MYLK2: variants seen among roughly 807,000 people sequenced by gnomAD.
MYLK2 encodes the protein myosin light chain kinase 2, skeletal/cardiac muscle.
A neutral mutation model predicts 58.2 loss-of-function variants in MYLK2; 27 were observed. That is an observed-to-expected ratio of 0.46 (90% CI 0.34 to 0.64). The LOEUF (loss-of-function observed/expected upper bound fraction) is 0.64. Among genes scored for constraint, MYLK2 ranks in the 30% least tolerant of loss-of-function variants. The pLI, the probability that MYLK2 is intolerant of heterozygous loss-of-function variation, is 0.01. For synonymous variants in MYLK2, 310 were observed against 296.7 expected (o/e 1.04, Z -0.46); for missense variants, 676 against 764.3 (o/e 0.88, Z 1.36).
At chr20:31,823,742 T>C (rs564649964) in intron 5 of MYLK2, among the ~76,000 whole-genome samples, 160 bp downstream of exon 5, 1 of 152,324 alleles carries the variant, frequency 6.6e-6, no homozygotes, top group African/African-American at 2.4e-5. Flanking sequence ...TGTGCAGCTG[T>C]CACATGCTGA....
At chr20:31,828,204 A>G (rs1464910311) in intron 8 of MYLK2, 7 of 985,220 alleles carry the variant, frequency 7.1e-6, no homozygotes, top group South Asian at 9.4e-5. Context: ...AGGTGTATAC[A>G]TTGCAGCAAC....
At chr20:31,820,845 T>A (rs758944477) in intron 3 of MYLK2, among the ~76,000 whole-genome samples, 2 of 152,216 alleles carry the variant, frequency 1.3e-5, no homozygotes, top group Non-Finnish European at 2.9e-5. Flanking sequence ...TGGGCTTGGG[T>A]CTAGCCAAGG....
chr20:31,828,490 G>T, intron 8 of MYLK2: 1 of 983,902 alleles, frequency 1.0e-6, no homozygotes, highest in South Asian at 4.7e-5. Flanking sequence ...GGAAGGCCCC[G>T]TGCTAGGCAT....
Position 31,821,442 on chromosome 20 carries a change from T to G in MYLK2, c.477T>G (p.Ser159=), listed in dbSNP as rs1220968422. ...CCTCTGTGTTCTCACCTTCTAGTTC[T>G]GAGAAGCTGCTGGCCAAGAAGCCCC... The part of the protein sequence containing the change: ...SPSCPAIISS[S]EKLLAKKPPS... The change falls in exon 4 of 13, where the codon TCT becomes TCG. Residue 159 remains serine (S), a synonymous_variant. Coordinates refer to ENST00000375985, the MANE Select transcript of MYLK2 (RefSeq NM_033118.4). 6.2e-7 allele frequency: 1 copy of G among 1,613,362 alleles called. No individual in the cohort carries two copies. The highest frequency in any genetic ancestry group is 1.7e-5 in the Admixed American group (1 of 60,026).
In MYLK2 at chr20:31,821,537, C is replaced by T. The variant is rs778578033; in HGVS notation, c.572C>T (p.Ala191Val). 10 of 1,613,928 alleles carry T rather than the reference C, an allele frequency of 6.2e-6. No homozygotes were observed. The African/African-American group carries it at 1.3e-4, about 22-fold the overall frequency. Residue 191 changes from alanine to valine, a missense_variant, in exon 4 of 13, where the codon GCC becomes GTC. By Grantham distance (64) the Ala-to-Val change is moderately conservative. Coordinates refer to ENST00000375985, the MANE Select transcript of MYLK2 (RefSeq NM_033118.4). ...CACAGCCCCACGGATCCCAGGCCAGCCAAGGCAGAAGAAGGAAAGAACATC... is the reference window on the plus strand; with the variant it reads ...CACAGCCCCACGGATCCCAGGCCAGTCAAGGCAGAAGAAGGAAAGAACATC... ...MTHSPTDPRP[A>V]KAEEGKNILA...
chr20:31,823,685 A>G, intron 5 of MYLK2, 103 bp downstream of exon 5: 2 of 1,136,692 alleles, frequency 1.8e-6, no homozygotes, highest in Non-Finnish European at 2.6e-6. Context: ...CACCCCGCTG[A>G]GACATGGCCA....
At chr20:31,823,871 A>G (rs1482544485) in intron 5 of MYLK2, 2 of 884,244 alleles carry the variant, frequency 2.3e-6, no homozygotes, top group African/African-American at 1.8e-5. Context: ...TGACCCCCTC[A>G]TGGTGATTCC....
In MYLK2 at chr20:31,826,893, G is replaced by A; in HGVS notation, c.1179G>A (p.Gly393=). Residue 393 remains glycine (G), a synonymous_variant, in exon 8 of 13, where the codon GGG becomes GGA. Coordinates refer to ENST00000375985, the MANE Select transcript of MYLK2 (RefSeq NM_033118.4). ...TGTTTGTCAGGCAGATCTGTGACGGGATCCTCTTCATGCACAAGATGAGGG... is the reference window on the plus strand; with the variant it reads ...TGTTTGTCAGGCAGATCTGTGACGGAATCCTCTTCATGCACAAGATGAGGG... ...TMVFVRQICD[G]ILFMHKMRVL... The A allele has an allele frequency of 6.2e-7, 1 of 1,614,068 alleles. No homozygotes were observed. The highest frequency in any genetic ancestry group is 1.1e-5 in the South Asian group (1 of 91,078).
chr20:31,822,537 G>A (rs1184584986), intron 4 of MYLK2, among the ~76,000 whole-genome samples: 1 of 152,152 alleles, frequency 6.6e-6, no homozygotes, highest in Non-Finnish European at 1.5e-5. Flanking sequence ...GCTGCAGAGA[G>A]CACTGAGTGT....
Position 31,823,566 on chromosome 20 carries a change from A to G in MYLK2, c.862A>G (p.Lys288Glu). The G allele has an allele frequency of 6.2e-7, 1 of 1,613,926 alleles. No individual in the cohort carries two copies. The highest frequency in any genetic ancestry group is 8.5e-7 in the Non-Finnish European group (1 of 1,179,990). Residue 288 changes from lysine to glutamate, a missense_variant, in exon 5 of 13, where the codon AAG becomes GAG. By Grantham distance (56) the Lys-to-Glu change is moderately conservative. Transcript: ENST00000375985. Reference sequence around the variant, plus strand: ...CAGCAGTGAATTCAGTATGAACTCCAAGGAGGCGCTCGGAGGGTGAGATCT... The same window carrying G: ...CAGCAGTGAATTCAGTATGAACTCCGAGGAGGCGCTCGGAGGGTGAGATCT... ...NVSSEFSMNS[K>E]EALGGGKFGA...
rs761782635 is a variant in MYLK2 at position 31,833,722 on chromosome 20, C to T, written c.1716C>T (p.Asn572=). 3 of 1,613,874 alleles carry T rather than the reference C, an allele frequency of 1.9e-6. No individual in the cohort carries two copies. Among genetic ancestry groups the T allele is most frequent in the South Asian group, 2.2e-5 (2 of 91,082 alleles). The change falls in exon 13 of 13, where the codon AAC becomes AAT. Residue 572 remains asparagine, a synonymous_variant. Coordinates refer to ENST00000375985, the MANE Select transcript of MYLK2 (RefSeq NM_033118.4). ...CCCTCTCTTCTGCCCTCTAGAAAAA[C>T]TTCATTGCTGTCAGCGCTGCCAACC... ...KYLMKRRWKK[N]FIAVSAANRF...
chr20:31,819,775 C>T (rs2062242300), intron 2 of MYLK2, 143 bp downstream of exon 2: 2 of 1,105,684 alleles, frequency 1.8e-6, no homozygotes, highest in Admixed American at 2.0e-5. Flanking sequence ...AGAGGAATCT[C>T]TGGCTAGGGT....
chr20:31,823,511 C>T lies in MYLK2; in HGVS notation c.807C>T (p.His269=), dbSNP rs1355606455. 1 of 1,613,636 alleles carries T rather than the reference C, an allele frequency of 6.2e-7. No individual in the cohort carries two copies. Among genetic ancestry groups the T allele is most frequent in the African/African-American group, 1.3e-5 (1 of 74,940 alleles). The change falls in exon 5 of 13, where the codon CAC becomes CAT. Residue 269 remains histidine (H), a synonymous_variant. Transcript: ENST00000375985. ...CGCCACCTCCGGCCCCCTTCCCTCA[C>T]CGCATGGTGGAGCTGAGGACCGGGA... ...DCPPPPAPFP[H]RMVELRTGNV... is the part of the protein sequence containing the mutation.
intron 3 of MYLK2, 103 bp from the exon 4 acceptor site, chr20:31,821,336 A>G (rs2062250963): frequency 1.4e-6 from 2 of 1,402,842 alleles, no homozygotes; most frequent in South Asian, 2.4e-5. Context: ...TACACCATGC[A>G]TTTGGGGTGG....
chr20:31,821,640 G>A lies in MYLK2; in HGVS notation c.675G>A (p.Ser225=), dbSNP rs753309061. Residue 225 remains serine (S), a synonymous_variant, in exon 4 of 13, where the codon TCG becomes TCA. Coordinates refer to ENST00000375985, the MANE Select transcript of MYLK2 (RefSeq NM_033118.4). Reference sequence around the variant, plus strand: ...AGGCTAAGATGCAAGGGGACACCTCGAGGGGGATTGAGTTCCAGGCTGTTC... The same window carrying A: ...AGGCTAAGATGCAAGGGGACACCTCAAGGGGGATTGAGTTCCAGGCTGTTC... ...AGQAKMQGDT[S]RGIEFQAVPS... 5.0e-6 allele frequency: 8 copies of A among 1,614,042 alleles called. No homozygotes were observed. Among genetic ancestry groups the A allele is most frequent in the East Asian group, 2.2e-5 (1 of 44,878 alleles).
intron 8 of MYLK2, among the ~76,000 whole-genome samples, 154 bp from the exon 9 acceptor site, chr20:31,830,665 T>G (rs950867763): frequency 4.6e-5 from 7 of 152,210 alleles, no homozygotes; most frequent in Non-Finnish European, 4.4e-5. Context: ...GATCTCTCTG[T>G]GCCCAGAGCA....
rs181337772 is a variant in MYLK2 at position 31,833,824 on chromosome 20, G to A, written c.*27G>A. ...CCCTGGGCGCAGCTGAAGCCTGGACGCAGCCACACAGTGGCCGGGGCTGAA... is the reference window on the plus strand; with the variant it reads ...CCCTGGGCGCAGCTGAAGCCTGGACACAGCCACACAGTGGCCGGGGCTGAA... On this transcript the variant is annotated 3_prime_UTR_variant, in exon 13 of 13. Coordinates refer to ENST00000375985, the MANE Select transcript of MYLK2 (RefSeq NM_033118.4). 6.2e-6 allele frequency: 10 copies of A among 1,601,266 alleles called. No individual in the cohort carries two copies. The highest frequency in any genetic ancestry group is 2.2e-5 in the South Asian group (2 of 90,886).
chr20:31,827,767 C>T (rs1156459474), intron 8 of MYLK2, among the ~76,000 whole-genome samples: 1 of 152,086 alleles, frequency 6.6e-6, no homozygotes, highest in Admixed American at 6.6e-5. Context: ...GATCCGCCCA[C>T]CTCGGCCTCC....
Position 31,820,130 on chromosome 20 carries a change from G to C in MYLK2, c.57G>C (p.Lys19Asn), listed in dbSNP as rs773491671. ...GGTGTCTCACCTCCTCTGCAGACAA[G>C]GCACCTAAAGGTCCCACAGGTGAAA... ...ELGIQNPSTD[K>N]APKGPTGERP... Residue 19 changes from lysine to asparagine, a missense_variant, in exon 3 of 13, where the codon AAG becomes AAC. Physicochemically the swap from Lys to Asn is moderately conservative, Grantham distance 94. This residue lies in a region of MYLK2 where 306 missense variants were observed against 296.5 expected (regional missense o/e 1.03). Transcript: ENST00000375985. The C allele has an allele frequency of 6.2e-7, 1 of 1,613,728 alleles. No individual in the cohort carries two copies. Among genetic ancestry groups the C allele is most frequent in the South Asian group, 1.1e-5 (1 of 91,078 alleles).
Sources: allele counts gnomAD v4.1 joint callset (sites outside exome capture counted in the v4.1 genomes callset), GRCh38; gene constraint gnomAD v4.1.1; regional missense constraint gnomAD v4.1.1; transcripts MANE v1.5; gene names NCBI Gene and HGNC (gene_info 2026-07-23, HGNC 2026-07-21).